The following USP37 variants were observed in gnomAD, a reference collection of about 807,000 sequenced individuals.
The protein encoded by USP37 is ubiquitin carboxyl-terminal hydrolase 37.
USP37 carries 27 observed loss-of-function variants against 124.0 expected under a neutral mutation model. The observed-to-expected ratio is 0.22, with a 90% CI of 0.16 to 0.30. The LOEUF is 0.30. Ranked by LOEUF, USP37 falls within the 10% of genes least tolerant of loss-of-function variation. The pLI, the probability that USP37 is intolerant of heterozygous loss-of-function variation, is 1.00. For synonymous variants in USP37, 365 were observed against 388.0 expected, an observed-to-expected ratio of 0.94 and a Z score of 0.70; for missense variants, 889 against 1,140.4, an observed-to-expected ratio of 0.78 and a Z score of 3.17.
intron 4 of USP37, among the ~76,000 whole-genome samples, chr2:218,556,529 T>C (rs1692990258): frequency 6.8e-6 from 1 of 146,150 alleles, no homozygotes; most frequent in Non-Finnish European, 1.5e-5. Flanking sequence ...TTTTTTTTTT[T>C]TGAGATGGAG....
At chr2:218,476,377 C>A (rs1227359117) in intron 19 of USP37, among the ~76,000 whole-genome samples, 1 of 152,052 alleles carries the variant, frequency 6.6e-6, no homozygotes, top group Admixed American at 6.6e-5. Context: ...AATTTTAGAC[C>A]TGCCTAGGTC....
intron 12 of USP37, 63 bp downstream of exon 12, chr2:218,497,963 T>C: frequency 6.4e-7 from 1 of 1,568,020 alleles, no homozygotes; most frequent in Non-Finnish European, 8.6e-7. Flanking sequence ...GTGTCTAAAA[T>C]TCCATTATTC....
In USP37 at chr2:218,454,698, T is replaced by A; in HGVS notation, c.*232A>T. 1 of 683,848 alleles carries A rather than the reference T, an allele frequency of 1.5e-6. No homozygotes were observed. Among genetic ancestry groups the A allele is most frequent in the Non-Finnish European group, 2.3e-6 (1 of 442,080 alleles). The allele number at this position is 683,848 out of a possible 1,614,324, so 42.4% of individuals were successfully genotyped here. The stretch of plus-strand genomic sequence containing the variant: ...ACATGTATTCCTAAGACAAAAGAAG[T>A]GCCACTCATAGGAGAAAAAGAGGAT... On this transcript the variant is annotated 3_prime_UTR_variant, in exon 26 of 26. Coordinates refer to ENST00000258399, the MANE Select transcript of USP37 (RefSeq NM_020935.3).
At chr2:218,486,393 G>A (rs901058206) in intron 15 of USP37, 18 of 152,188 alleles carry the variant, frequency 1.2e-4, no homozygotes, top group African/African-American at 9.7e-5. Context: ...AGAGCTCAAC[G>A]TTCACCATTT....
chr2:218,496,436 G>A (rs993759709), intron 13 of USP37, among the ~76,000 whole-genome samples: 4 of 152,060 alleles, frequency 2.6e-5, no homozygotes, highest in Non-Finnish European at 5.9e-5. Context: ...TAAGAATTTG[G>A]GGAGCTGCAT....
intron 8 of USP37, among the ~76,000 whole-genome samples, chr2:218,537,705 T>A (rs1471828719): frequency 6.6e-6 from 1 of 152,190 alleles, no homozygotes; most frequent in East Asian, 1.9e-4. Context: ...ATGCTGAGTA[T>A]TTATGTGTTC....
intron 20 of USP37, among the ~76,000 whole-genome samples, chr2:218,470,758 C>T (rs1690638157): frequency 6.6e-6 from 1 of 152,158 alleles, no homozygotes; most frequent in African/African-American, 2.4e-5. Flanking sequence ...ACTGTAAAAC[C>T]TTACTTTGCC....
chr2:218,512,491 G>C (rs1442571735), intron 10 of USP37, among the ~76,000 whole-genome samples: 1 of 152,070 alleles, frequency 6.6e-6, no homozygotes, highest in East Asian at 1.9e-4. Flanking sequence ...CTGAGGGACA[G>C]AGAGAGACGC....
In USP37 at chr2:218,512,068, G is replaced by A. The variant is rs113076390; in HGVS notation, c.864-1928C>T. ...TGTTTGTCTAAGCCATGTGTTAGTGGCTGTTTGGTTTGGTACTTAAAAAAA... is the reference window on the plus strand; with the variant it reads ...TGTTTGTCTAAGCCATGTGTTAGTGACTGTTTGGTTTGGTACTTAAAAAAA... On this transcript the variant is annotated intron_variant, in intron 10 of 25. Coordinates refer to ENST00000258399, the MANE Select transcript of USP37 (RefSeq NM_020935.3). Among the ~76,000 whole-genome samples the A allele has an allele frequency of 9.8e-3, 1,486 of 152,194 alleles. 17 individuals carry two copies. The highest frequency in any genetic ancestry group is 0.016 in the Non-Finnish European group (1,076 of 68,014).
intron 4 of USP37, among the ~76,000 whole-genome samples, chr2:218,558,199 A>G (rs1693129001): frequency 6.6e-6 from 1 of 152,064 alleles, no homozygotes; most frequent in Admixed American, 6.6e-5. Flanking sequence ...GAAGAACTAA[A>G]ATTATCTTAA....
intron 13 of USP37, among the ~76,000 whole-genome samples, chr2:218,496,903 G>A (rs1034409386): frequency 1.3e-5 from 2 of 151,702 alleles, no homozygotes; most frequent in Non-Finnish European, 2.9e-5. Context: ...CACCCGCCTC[G>A]GCCTCTCAAA....
intron 20 of USP37, among the ~76,000 whole-genome samples, chr2:218,467,891 GTTTTTTTT>G (rs1206063613): frequency 7.2e-6 from 1 of 139,668 alleles, no homozygotes; most frequent in Non-Finnish European, 1.6e-5. Flanking sequence ...TGTTTTTTTT[GTTTTTTTT>G]TTTTTTAAGA....
chr2:218,495,333 G>A (rs1689025575), intron 14 of USP37, among the ~76,000 whole-genome samples: 1 of 152,024 alleles, frequency 6.6e-6, no homozygotes, highest in Non-Finnish European at 1.5e-5. Flanking sequence ...GTAGAGATGG[G>A]GTTTCCCCAT....
chr2:218,561,526 C>T (rs972298702), intron 2 of USP37, among the ~76,000 whole-genome samples: 2 of 151,984 alleles, frequency 1.3e-5, no homozygotes, highest in African/African-American at 4.8e-5. Flanking sequence ...GGTGTGGTGG[C>T]GTGCGCCTGT....
At position 218,553,605 on chromosome 2, in the gene USP37, T is replaced by G; in HGVS notation, c.276A>C (p.Ala92=). 2 of 1,614,014 alleles carry G rather than the reference T, an allele frequency of 1.2e-6. No homozygotes were observed. The highest frequency in any genetic ancestry group is 1.7e-6 in the Non-Finnish European group (2 of 1,179,930). Reference sequence around the variant, plus strand: ...CATCTAGAAACAACCTCATTTCCTCTGCATCCTTACTTGGTACTTTGTCAA... The same window carrying G: ...CATCTAGAAACAACCTCATTTCCTCGGCATCCTTACTTGGTACTTTGTCAA... The part of the protein sequence containing the change: ...LSIDKVPSKD[A]EEMRLFLDAV... Residue 92 remains alanine, a synonymous_variant, in exon 5 of 26, where the codon GCA becomes GCC. Coordinates refer to ENST00000258399, the MANE Select transcript of USP37 (RefSeq NM_020935.3).
intron 11 of USP37, among the ~76,000 whole-genome samples, chr2:218,509,459 G>A (rs1283987070): frequency 6.6e-6 from 1 of 151,984 alleles, no homozygotes; most frequent in African/African-American, 2.4e-5. Context: ...TTAGGTAATA[G>A]AGCTACTGGC....
chr2:218,458,884 C>G (rs1319029157), intron 23 of USP37, among the ~76,000 whole-genome samples: 3 of 151,974 alleles, frequency 2.0e-5, no homozygotes, highest in East Asian at 3.9e-4. Flanking sequence ...CTGGGCAACA[C>G]AGTGAGACTC....
intron 8 of USP37, among the ~76,000 whole-genome samples, chr2:218,536,551 A>G (rs538417455): frequency 2.0e-5 from 3 of 152,354 alleles, no homozygotes; most frequent in Middle Eastern, 3.4e-3. Context: ...TGGAAGCTAC[A>G]TAACAGATTT....
chr2:218,543,450 C>G (rs1180302467), intron 8 of USP37, among the ~76,000 whole-genome samples: 1 of 123,408 alleles, frequency 8.1e-6, no homozygotes, highest in Non-Finnish European at 1.6e-5. Context: ...TGCAGTGAGT[C>G]GAGATGGCAC....
Sources: allele counts gnomAD v4.1 joint callset (sites outside exome capture counted in the v4.1 genomes callset), GRCh38; gene constraint gnomAD v4.1.1; transcripts MANE v1.5; gene names NCBI Gene and HGNC (gene_info 2026-07-23, HGNC 2026-07-21).